The following TUBGCP6 variants were observed in gnomAD, a reference collection of about 807,000 sequenced individuals.
TUBGCP6 encodes gamma-tubulin complex component 6.
TUBGCP6 carries 161 observed loss-of-function variants against 175.8 expected under a neutral mutation model. The ratio of observed to expected loss-of-function variants is 0.92; its 90% CI spans 0.81 to 1.04. The LOEUF (loss-of-function observed/expected upper bound fraction) is 1.04, where lower values mean the gene tolerates loss of function less well. Among genes scored for constraint, TUBGCP6 ranks in the 50% least tolerant of loss-of-function variants. The probability of loss-of-function intolerance (pLI) is 0.00; values close to 1 mark genes in which losing one functional copy is unlikely to be tolerated. For missense variants in TUBGCP6, 2,572 were observed against 2,433.0 expected (o/e 1.06, Z -1.20); for synonymous variants, 1,173 against 1,030.5 (o/e 1.14, Z -2.65).
At position 50,219,740 on chromosome 22, in the gene TUBGCP6, A is replaced by ATGCCTC. The variant is rs1242741894; in HGVS notation, c.4213_4218dup (p.Glu1405_Ala1406dup). On this transcript the variant is annotated inframe_insertion, in exon 18 of 25. Coordinates refer to ENST00000248846, the MANE Select transcript of TUBGCP6 (RefSeq NM_020461.4). ...TCCCCACCCTGAGCCTCCGCCGCCGATGCCTCCGCCTCCTCACCACGGCCT... is the reference window on the plus strand; with the variant it reads ...TCCCCACCCTGAGCCTCCGCCGCCGATGCCTCTGCCTCCGCCTCCTCACCACGGCCT... 6.2e-7 allele frequency: 1 copy of ATGCCTC among 1,613,600 alleles called. No homozygotes were observed. The highest frequency in any genetic ancestry group is 1.3e-5 in the African/African-American group (1 of 74,920).
chr22:50,222,399 T>A, intron 14 of TUBGCP6, 55 bp downstream of exon 14: 1 of 1,605,124 alleles, frequency 6.2e-7, no homozygotes, highest in South Asian at 1.1e-5. Context: ...TCTCAGGGGG[T>A]TTCCAGACCC....
At chr22:50,237,810 C>A (rs915331312) in intron 2 of TUBGCP6, among the ~76,000 whole-genome samples, 1 of 152,178 alleles carries the variant, frequency 6.6e-6, no homozygotes, top group Non-Finnish European at 1.5e-5. Flanking sequence ...AAAAAATGAA[C>A]CTAGAAAAGG....
At position 50,226,834 on chromosome 22, in the gene TUBGCP6, C is replaced by T. The variant is rs769007061; in HGVS notation, c.1500G>A (p.Lys500=). 1.3e-6 allele frequency: 2 copies of T among 1,578,578 alleles called. No homozygotes were observed. Among genetic ancestry groups the T allele is most frequent in the Non-Finnish European group, 1.7e-6 (2 of 1,162,328 alleles). Residue 500 remains lysine, a synonymous_variant, in exon 7 of 25, where the codon AAG becomes AAA. Transcript: ENST00000248846. The stretch of plus-strand genomic sequence containing the variant: ...CCTCCTGGTAGAGGTAGGACAGCAG[C>T]TTCACGCCCTGCAGACCGCAAAGGG... The part of the protein sequence containing the change: ...GPRAAFPTGV[K]LLSYLYQEAL...
chr22:50,223,780 C>CAAA (rs34989677), intron 13 of TUBGCP6: 39 of 64,324 alleles, frequency 6.1e-4, no homozygotes, highest in East Asian at 9.8e-4. Flanking sequence ...ACTCTGTTTC[C>CAAA]AAAAAAAAAA....
rs1479345614 is a variant in TUBGCP6 at position 50,243,846 on chromosome 22, C to T, written c.614G>A (p.Arg205Lys). 5.0e-6 allele frequency: 8 copies of T among 1,613,738 alleles called. No homozygotes were observed. The highest frequency in any genetic ancestry group is 5.9e-6 in the Non-Finnish European group (7 of 1,180,006). ...CGAGACCCGGGTGTCTCTCTCGAACCTGTCACCACAAGGGTCACCAAATGA... is the reference window on the plus strand; with the variant it reads ...CGAGACCCGGGTGTCTCTCTCGAACTTGTCACCACAAGGGTCACCAAATGA... ...LFSFGDPCGD[R>K]FERDTRVSLF... is the part of the protein sequence containing the mutation. The change falls in exon 1 of 25, where the codon AGG (arginine) becomes AAG (lysine). Residue 205 changes from arginine to lysine, a missense_variant. Physicochemically the swap from Arg to Lys is conservative, Grantham distance 26. Coordinates refer to ENST00000248846, the MANE Select transcript of TUBGCP6 (RefSeq NM_020461.4).
At chr22:50,238,255 G>A (rs140522351) in intron 2 of TUBGCP6, among the ~76,000 whole-genome samples, 1,968 of 152,058 alleles carry the variant, frequency 0.013, 25 homozygotes, top group Non-Finnish European at 0.02. Flanking sequence ...TGTTCCAGGT[G>A]AAGGGAACCT....
Position 50,218,039 on chromosome 22 carries a change from G to A in TUBGCP6, c.5247C>T (p.Ser1749=). Residue 1749 remains serine, a synonymous_variant, in exon 24 of 25, where the codon AGC becomes AGT. Transcript: ENST00000248846. ...SIFSLVLKFR[S]QLISQAWGPP... is the part of the protein sequence containing the mutation. ...GCCCCCAGGCCTGGGAGATGAGCTG[G>A]CTGCGGAACTTGAGCACGAGGCTGA... The A allele has an allele frequency of 6.2e-7, 1 of 1,613,472 alleles. No individual in the cohort carries two copies. The highest frequency in any genetic ancestry group is 1.1e-5 in the South Asian group (1 of 91,082).
At chr22:50,218,464 C>T (rs754688105) in intron 22 of TUBGCP6, 24 bp downstream of exon 22, 10 of 1,612,848 alleles carry the variant, frequency 6.2e-6, no homozygotes, top group East Asian at 2.2e-5. Context: ...GGGTGCGGGG[C>T]GCCGGGCTCC....
At chr22:50,230,386 C>A (rs566838178) in intron 3 of TUBGCP6, among the ~76,000 whole-genome samples, 19 of 152,178 alleles carry the variant, frequency 1.2e-4, no homozygotes, top group Admixed American at 3.9e-4. Context: ...GCAGGTGGAT[C>A]ACTTCAGGTC....
rs1569129998 is a variant in TUBGCP6, at chr22:50,244,135, A to AC, written c.324dup (p.Ser109ValfsTer27). ...AGCTGAACCAGGAGGTCCAAAACAG[A>AC]CCCCACCTCCAAAAGCGGACAGCAA... On this transcript the variant is annotated frameshift_variant, in exon 1 of 25. Coordinates refer to ENST00000248846, the MANE Select transcript of TUBGCP6 (RefSeq NM_020461.4). LOFTEE classifies it high-confidence loss of function. 1 of 1,613,104 alleles carries AC rather than the reference A, an allele frequency of 6.2e-7. No homozygotes were observed. Among genetic ancestry groups the AC allele is most frequent in the Non-Finnish European group, 8.5e-7 (1 of 1,180,000 alleles).
chr22:50,245,010 A>T lies in TUBGCP6; in HGVS notation c.-551T>A, dbSNP rs1335572433. The T allele has an allele frequency of 4.3e-6, 1 of 232,020 alleles. No homozygotes were observed. Among genetic ancestry groups the T allele is most frequent in the Non-Finnish European group, 8.5e-6 (1 of 117,086 alleles). The allele number at this position is 232,020 out of a possible 1,614,324, so 14.4% of individuals were successfully genotyped here. Reference sequence around the variant, plus strand: ...GCTCTCGCCGCCTCCGTCGCGTCACAGCCGCGCCAGTGTGAAGAGCACTAG... The same window carrying T: ...GCTCTCGCCGCCTCCGTCGCGTCACTGCCGCGCCAGTGTGAAGAGCACTAG... On this transcript the variant is annotated 5_prime_UTR_variant, in exon 1 of 25. Coordinates refer to ENST00000248846, the MANE Select transcript of TUBGCP6 (RefSeq NM_020461.4).
At chr22:50,231,409 A>G (rs1040848804) in intron 3 of TUBGCP6, among the ~76,000 whole-genome samples, 22 of 151,686 alleles carry the variant, frequency 1.5e-4, no homozygotes, top group Admixed American at 9.9e-4. Context: ...AGCTGAGATC[A>G]CACCACTGCA....
rs1443762158 is a variant in TUBGCP6 at position 50,233,422 on chromosome 22, C to A, written c.1010G>T (p.Gly337Val). ...HQGELQLLAG[G>V]VLQAPQPVLV... is the part of the protein sequence containing the mutation. ...CACGGGCTGCGGGGCCTGTAGGACG[C>A]CCCCAGCAAGCAGCTGGAGCTCCCC... is the stretch of plus-strand genomic sequence containing the variant. The change falls in exon 3 of 25, where the codon GGC (glycine) becomes GTC (valine). Residue 337 changes from glycine (G) to valine (V), a missense_variant. Physicochemically the swap from Gly to Val is moderately radical, Grantham distance 109. Coordinates refer to ENST00000248846, the MANE Select transcript of TUBGCP6 (RefSeq NM_020461.4). The A allele has an allele frequency of 6.2e-7, 1 of 1,613,676 alleles. No individual in the cohort carries two copies. Among genetic ancestry groups the A allele is most frequent in the Non-Finnish European group, 8.5e-7 (1 of 1,179,904 alleles).
Position 50,218,212 on chromosome 22 carries a change from C to G in TUBGCP6, c.5145G>C (p.Glu1715Asp), listed in dbSNP as rs1417382806. The G allele has an allele frequency of 6.2e-7, 1 of 1,612,210 alleles. No homozygotes were observed. The highest frequency in any genetic ancestry group is 8.5e-7 in the Non-Finnish European group (1 of 1,179,852). ...DLEEIQRAHA[E>D]YLHKAVFRGL... ...ACCTGAAGACGGCCTTGTGCAGGTA[C>G]TCTGCGTGCGCACGCTGGATCTCCT... Residue 1715 changes from glutamate to aspartate, a missense_variant, in exon 23 of 25, where the codon GAG (glutamate) becomes GAC (aspartate). Transcript: ENST00000248846.
chr22:50,220,147 G>A, intron 16 of TUBGCP6, 104 bp downstream of exon 16: 2 of 1,547,244 alleles, frequency 1.3e-6, no homozygotes, highest in South Asian at 1.2e-5. Flanking sequence ...TGACAAGGAG[G>A]CCTGAGGGGA....
chr22:50,219,597 A>C, intron 18 of TUBGCP6, 47 bp downstream of exon 18: 1 of 1,603,000 alleles, frequency 6.2e-7, no homozygotes, highest in Non-Finnish European at 8.5e-7. Context: ...ACGTGCTGGG[A>C]ACCAGCCAGC....
In TUBGCP6 at chr22:50,221,803, C is replaced by T. The variant is rs779813098; in HGVS notation, c.2556G>A (p.Ser852=). The T allele has an allele frequency of 7.3e-6, 11 of 1,511,360 alleles. No homozygotes were observed. The highest frequency in any genetic ancestry group is 4.6e-5 in the East Asian group (2 of 43,878). 93.6% of individuals were successfully genotyped at this position (1,511,360 alleles called of 1,614,324 possible). A position where few individuals can be genotyped will look rare whatever the true frequency, so the allele number is the denominator to read the frequency against. The stretch of plus-strand genomic sequence containing the variant: ...GCCTGTTCCAGCCATCCCAGGCAGG[C>T]GAGTGTTGCTCTGCAGACCCAGAAT... ...GCDSGSAEQH[S]PAWDGWNRPG... The change falls in exon 16 of 25, where the codon TCG becomes TCA. Residue 852 remains serine (S), a synonymous_variant. Transcript: ENST00000248846.
intron 20 of TUBGCP6, 64 bp from the exon 21 acceptor site, chr22:50,218,961 C>A (rs953358449): frequency 2.6e-5 from 41 of 1,585,716 alleles, no homozygotes; most frequent in African/African-American, 1.3e-5. Flanking sequence ...TCGCCGGCAC[C>A]CCATGGGGCT....
At chr22:50,224,661 C>T in intron 10 of TUBGCP6, 69 bp from the exon 11 acceptor site, 1 of 1,515,764 alleles carries the variant, frequency 6.6e-7, no homozygotes, top group East Asian at 2.3e-5. Flanking sequence ...AATCCTGGCA[C>T]TTTGGGAGGC....
Sources: allele counts gnomAD v4.1 joint callset (sites outside exome capture counted in the v4.1 genomes callset), GRCh38; gene constraint gnomAD v4.1.1; transcripts MANE v1.5; gene names NCBI Gene and HGNC (gene_info 2026-07-23, HGNC 2026-07-21).